Variants in ITPR2 observed in about 807,000 individuals in gnomAD.
ITPR2 encodes the protein inositol 1,4,5-trisphosphate-gated calcium channel ITPR2.
Under a neutral mutation model 317.1 loss-of-function variants are expected in ITPR2, and 207 were observed. The ratio of observed to expected loss-of-function variants is 0.65; its 90% CI spans 0.58 to 0.73. The LOEUF (loss-of-function observed/expected upper bound fraction) is 0.73, where lower values mean the gene tolerates loss of function less well. Among genes scored for constraint, ITPR2 ranks in the 30% least tolerant of loss-of-function variants. The pLI is 0.00. For missense variants in ITPR2, 2,613 were observed against 3,284.0 expected (o/e 0.80, Z 4.99); for synonymous variants, 1,156 against 1,149.1 (o/e 1.01, Z -0.12).
At chr12:26,620,267 G>A (rs932995460) in intron 26 of ITPR2, among the ~76,000 whole-genome samples, 6 of 152,212 alleles carry the variant, frequency 3.9e-5, no homozygotes, top group Admixed American at 6.5e-5. Context: ...TGAAGCCCAC[G>A]TTCCAGTATT....
At chr12:26,776,490 C>T (rs1180455360) in intron 2 of ITPR2, among the ~76,000 whole-genome samples, 1 of 152,092 alleles carries the variant, frequency 6.6e-6, no homozygotes, top group African/African-American at 2.4e-5. Context: ...AAGTGGCTGA[C>T]CTGCAACAAA....
At chr12:26,557,299 G>A (rs1235825066) in intron 35 of ITPR2, among the ~76,000 whole-genome samples, 1 of 152,176 alleles carries the variant, frequency 6.6e-6, no homozygotes, top group Non-Finnish European at 1.5e-5. Context: ...GAATCTCAAT[G>A]TCATTTCTGA....
At chr12:26,483,652 C>T (rs1017737659) in intron 42 of ITPR2, 46 bp downstream of exon 42, 2 of 1,413,050 alleles carry the variant, frequency 1.4e-6, no homozygotes, top group African/African-American at 2.8e-5. Flanking sequence ...TGGCTCCTTC[C>T]CCAAATTAAT....
chr12:26,488,974 G>A (rs964499041), intron 39 of ITPR2, among the ~76,000 whole-genome samples: 32 of 152,088 alleles, frequency 2.1e-4, no homozygotes, highest in African/African-American at 6.5e-4. Context: ...GTAAGGGGTA[G>A]AGCTAGGATT....
At chr12:26,512,977 T>C (rs1943394237) in intron 37 of ITPR2, among the ~76,000 whole-genome samples, 1 of 151,532 alleles carries the variant, frequency 6.6e-6, no homozygotes, top group African/African-American at 2.4e-5. Context: ...GCCCACCAAC[T>C]CGAGTAGCTG....
chr12:26,747,533 G>A (rs1211438193), intron 2 of ITPR2, among the ~76,000 whole-genome samples: 1 of 152,186 alleles, frequency 6.6e-6, no homozygotes. Flanking sequence ...TGTTACTCAT[G>A]CAAATGTTAT....
At chr12:26,340,122 G>T in intron 56 of ITPR2, 45 bp downstream of exon 56, 1 of 1,522,770 alleles carries the variant, frequency 6.6e-7, no homozygotes, top group South Asian at 1.3e-5. Context: ...CGGAAGTGGT[G>T]AATGACTTTA....
chr12:26,520,826 T>C (rs561982391), intron 37 of ITPR2, among the ~76,000 whole-genome samples: 4 of 152,326 alleles, frequency 2.6e-5, no homozygotes, highest in African/African-American at 7.2e-5. Context: ...ACTATATCTA[T>C]ATATGAATTT....
At chr12:26,786,624 A>T (rs1291474120) in intron 2 of ITPR2, among the ~76,000 whole-genome samples, 1 of 148,854 alleles carries the variant, frequency 6.7e-6, no homozygotes, top group Non-Finnish European at 1.5e-5. Flanking sequence ...GGTAAAACTT[A>T]GTTTCCTCTG....
At chr12:26,746,322 T>G (rs879386731) in intron 2 of ITPR2, among the ~76,000 whole-genome samples, 2 of 152,212 alleles carry the variant, frequency 1.3e-5, no homozygotes, top group Non-Finnish European at 2.9e-5. Context: ...GAGCCCATTC[T>G]GTTTTGCCCC....
At chr12:26,596,772 TA>T in intron 31 of ITPR2, 110 bp downstream of exon 31, 1 of 821,992 alleles carries the variant, frequency 1.2e-6, no homozygotes, top group Non-Finnish European at 1.8e-6. Context: ...ATTCCCTGAC[TA>T]AATATATGAT....
intron 18 of ITPR2, 38 bp downstream of exon 18, chr12:26,657,669 G>A (rs910245512): frequency 3.9e-6 from 6 of 1,556,170 alleles, no homozygotes; most frequent in South Asian, 1.1e-5. Flanking sequence ...TAATATGTGA[G>A]ACTGGGAATT....
chr12:26,395,239 T>C (rs1939957995), intron 54 of ITPR2, among the ~76,000 whole-genome samples: 1 of 152,062 alleles, frequency 6.6e-6, no homozygotes. Flanking sequence ...AATAGGACCC[T>C]GTGACCCAGA....
chr12:26,748,711 C>A (rs1949367140), intron 2 of ITPR2, among the ~76,000 whole-genome samples: 1 of 152,160 alleles, frequency 6.6e-6, no homozygotes, highest in Admixed American at 6.5e-5. Flanking sequence ...ATTTTTTAAA[C>A]TGTGAAACAG....
chr12:26,738,634 T>C (rs994314948), intron 2 of ITPR2, among the ~76,000 whole-genome samples: 7 of 152,206 alleles, frequency 4.6e-5, no homozygotes, highest in Non-Finnish European at 8.8e-5. Flanking sequence ...TTTTTTCTTT[T>C]TACCAACAAG....
chr12:26,656,916 T>C (rs1385046527), intron 18 of ITPR2, among the ~76,000 whole-genome samples: 2 of 152,198 alleles, frequency 1.3e-5, no homozygotes, highest in Non-Finnish European at 1.5e-5. Flanking sequence ...ACTCAGCTTC[T>C]AGCTCTAGTG....
At chr12:26,734,728 T>A (rs1164589877) in intron 2 of ITPR2, among the ~76,000 whole-genome samples, 2 of 152,116 alleles carry the variant, frequency 1.3e-5, no homozygotes, top group Non-Finnish European at 2.9e-5. Flanking sequence ...ATTGTCCTGG[T>A]ACTGAATTAA....
chr12:26,606,611 ATAT>A (rs988940006), intron 26 of ITPR2, among the ~76,000 whole-genome samples: 87 of 151,790 alleles, frequency 5.7e-4, no homozygotes, highest in African/African-American at 2.0e-3. Flanking sequence ...TAAGAAAGTA[ATAT>A]TATATGAACT....
At chr12:26,510,667 A>G (rs998886005) in intron 37 of ITPR2, among the ~76,000 whole-genome samples, 9 of 152,250 alleles carry the variant, frequency 5.9e-5, no homozygotes, top group African/African-American at 2.2e-4. Flanking sequence ...GAGTAAGGTG[A>G]AGAACACAAA....
Sources: allele counts gnomAD v4.1 joint callset (sites outside exome capture counted in the v4.1 genomes callset), GRCh38; gene constraint gnomAD v4.1.1; transcripts MANE v1.5; gene names NCBI Gene and HGNC (gene_info 2026-07-23, HGNC 2026-07-21).